VWA3B: variants seen among roughly 807,000 people sequenced by gnomAD.
The protein encoded by VWA3B is von Willebrand factor A domain-containing protein 3B.
In VWA3B, 138 loss-of-function variants were observed where a neutral mutation model predicts 158.3. The observed-to-expected ratio is 0.87, with a 90% CI of 0.76 to 1.00. VWA3B has a LOEUF of 1.00. Ranked by LOEUF, VWA3B falls within the 50% of genes least tolerant of loss-of-function variation. The pLI, the probability that VWA3B is intolerant of heterozygous loss-of-function variation, is 0.00. For synonymous variants in VWA3B, 596 were observed against 587.3 expected (o/e 1.01, Z -0.21); for missense variants, 1,555 against 1,565.1 (o/e 0.99, Z 0.11).
At chr2:98,189,721 T>G (rs540774466) in intron 10 of VWA3B, among the ~76,000 whole-genome samples, 1 of 152,224 alleles carries the variant, frequency 6.6e-6, no homozygotes, top group Non-Finnish European at 1.5e-5. Context: ...CTGTTTTTTC[T>G]TCATGTATTT....
At chr2:98,114,344 G>A (rs912139116) in intron 2 of VWA3B, among the ~76,000 whole-genome samples, 9 of 152,208 alleles carry the variant, frequency 5.9e-5, no homozygotes, top group African/African-American at 2.2e-4. Context: ...CAGCTAAGAA[G>A]GTGAAATATT....
intron 21 of VWA3B, among the ~76,000 whole-genome samples, chr2:98,261,143 A>G (rs1406038094): frequency 6.6e-6 from 1 of 151,666 alleles, no homozygotes; most frequent in Admixed American, 6.6e-5. Context: ...ATTTGTTCTA[A>G]TGGGTCGTTG....
chr2:98,203,264 G>A (rs980520408), intron 12 of VWA3B, among the ~76,000 whole-genome samples: 1 of 152,138 alleles, frequency 6.6e-6, no homozygotes, highest in Non-Finnish European at 1.5e-5. Context: ...TCTTTGTATG[G>A]GTTCCCTGTT....
intron 26 of VWA3B, among the ~76,000 whole-genome samples, chr2:98,311,382 C>T (rs1024030058): frequency 7.2e-5 from 11 of 152,122 alleles, no homozygotes; most frequent in Non-Finnish European, 1.2e-4. Context: ...AAAATGTTTC[C>T]GATAGTATAC....
At chr2:98,252,778 A>G (rs1686878967) in intron 20 of VWA3B, among the ~76,000 whole-genome samples, 2 of 152,160 alleles carry the variant, frequency 1.3e-5, no homozygotes, top group African/African-American at 2.4e-5. Context: ...CTTCCCAGGC[A>G]AAAGAGAGGC....
intron 3 of VWA3B, among the ~76,000 whole-genome samples, chr2:98,119,094 G>A (rs1674752120): frequency 6.6e-6 from 1 of 152,172 alleles, no homozygotes; most frequent in Non-Finnish European, 1.5e-5. Context: ...AGGAAGGTGT[G>A]CTGGCATGTT....
At chr2:98,147,955 C>T (rs760743605) in intron 7 of VWA3B, among the ~76,000 whole-genome samples, 24 of 149,314 alleles carry the variant, frequency 1.6e-4, no homozygotes, top group Admixed American at 6.1e-4. Context: ...TGAGAACATG[C>T]GGTGTTTGGT....
At chr2:98,112,833 T>C (rs1403625889) in intron 2 of VWA3B, among the ~76,000 whole-genome samples, 3 of 152,102 alleles carry the variant, frequency 2.0e-5, no homozygotes, top group Non-Finnish European at 4.4e-5. Context: ...CTGTTCATTT[T>C]GTCAATATTT....
At chr2:98,119,437 T>C (rs1674784220) in intron 3 of VWA3B, 76 bp from the exon 4 acceptor site, 9 of 1,521,092 alleles carry the variant, frequency 5.9e-6, no homozygotes, top group Non-Finnish European at 8.0e-6. Flanking sequence ...AGTGCACAGT[T>C]CTCGGTGGCA....
At chr2:98,256,097 T>C in intron 20 of VWA3B, 27 bp from the exon 21 acceptor site, 3 of 1,612,372 alleles carry the variant, frequency 1.9e-6, no homozygotes, top group Non-Finnish European at 2.5e-6. Context: ...TGCTACAAAA[T>C]TATTGTTGAC....
At chr2:98,128,794 C>T (rs901435209) in intron 6 of VWA3B, among the ~76,000 whole-genome samples, 2 of 152,226 alleles carry the variant, frequency 1.3e-5, no homozygotes, top group African/African-American at 4.8e-5. Flanking sequence ...CAGGGCCACA[C>T]ACCAGAAAAC....
chr2:98,209,966 C>G (rs1683369159), intron 12 of VWA3B, among the ~76,000 whole-genome samples: 1 of 152,240 alleles, frequency 6.6e-6, no homozygotes, highest in Admixed American at 6.5e-5. Context: ...GCTGCTGGGG[C>G]CCCTCAATTC....
chr2:98,110,776 T>C (rs1450007625), intron 2 of VWA3B, among the ~76,000 whole-genome samples: 1 of 152,238 alleles, frequency 6.6e-6, no homozygotes, highest in Non-Finnish European at 1.5e-5. Context: ...TCATCTTGAA[T>C]TGTAACTCCA....
intron 11 of VWA3B, among the ~76,000 whole-genome samples, chr2:98,194,050 A>G (rs796228167): frequency 9.2e-5 from 14 of 152,312 alleles, no homozygotes; most frequent in African/African-American, 2.9e-4. Flanking sequence ...TATTTGGTAT[A>G]TCCTTAATGT....
intron 14 of VWA3B, among the ~76,000 whole-genome samples, chr2:98,223,384 T>C (rs1684670163): frequency 7.1e-6 from 1 of 141,780 alleles, no homozygotes; most frequent in Non-Finnish European, 1.5e-5. Flanking sequence ...ATCATCGGAG[T>C]CCACCAAAGA....
intron 11 of VWA3B, among the ~76,000 whole-genome samples, chr2:98,193,837 C>A (rs1037040918): frequency 6.6e-6 from 1 of 151,980 alleles, no homozygotes; most frequent in Non-Finnish European, 1.5e-5. Context: ...ATCCGCCCGC[C>A]TCGGCCTCCC....
At chr2:98,261,784 G>T (rs1455230661) in intron 21 of VWA3B, among the ~76,000 whole-genome samples, 1 of 151,622 alleles carries the variant, frequency 6.6e-6, no homozygotes, top group Admixed American at 6.6e-5. Flanking sequence ...TTATGGAAGA[G>T]TCCTTATTTA....
chr2:98,281,414 C>A (rs961713563), intron 22 of VWA3B, among the ~76,000 whole-genome samples: 1 of 152,142 alleles, frequency 6.6e-6, no homozygotes, highest in African/African-American at 2.4e-5. Flanking sequence ...TAAGGACAAA[C>A]GTGGACAAAG....
At chr2:98,192,756 G>T in intron 10 of VWA3B, 142 bp from the exon 11 acceptor site, 1 of 1,174,040 alleles carries the variant, frequency 8.5e-7, no homozygotes, top group Non-Finnish European at 1.2e-6. Flanking sequence ...AAACCTCAAA[G>T]CGAATGATCT....
Sources: gnomAD v4.1 joint callset for allele counts (sites outside exome capture counted in the v4.1 genomes callset) on GRCh38, gnomAD v4.1.1 for gene constraint, MANE v1.5 for transcripts, NCBI Gene and HGNC (gene_info 2026-07-23, HGNC 2026-07-21) for gene names.